Variants in HLTF observed in about 807,000 individuals in gnomAD.
HLTF encodes the protein helicase like transcription factor.
Under a neutral mutation model 129.4 loss-of-function variants are expected in HLTF, and 127 were observed. The ratio of observed to expected loss-of-function variants is 0.98; its 90% CI spans 0.85 to 1.14. The LOEUF (loss-of-function observed/expected upper bound fraction) is 1.14, where lower values mean the gene tolerates loss of function less well. HLTF is among the 50% of genes most tolerant of loss of function. HLTF has a pLI of 0.00. For synonymous variants in HLTF, 332 were observed against 388.8 expected, an observed-to-expected ratio of 0.85 and a Z score of 1.72; for missense variants, 1,139 against 1,187.1, an observed-to-expected ratio of 0.96 and a Z score of 0.60.
chr3:149,082,201 G>A (rs1393165047), intron 2 of HLTF, among the ~76,000 whole-genome samples: 1 of 152,232 alleles, frequency 6.6e-6, no homozygotes, highest in Non-Finnish European at 1.5e-5. Context: ...GCTCACACCT[G>A]TAATCCCAGC....
At position 149,073,264 on chromosome 3, in the gene HLTF, ACTATAGC is replaced by A. The variant is rs1311507253; in HGVS notation, c.581_587del (p.Ser194IlefsTer10). 1 of 1,612,114 alleles carries A rather than the reference ACTATAGC, an allele frequency of 6.2e-7. No individual in the cohort carries two copies. Among genetic ancestry groups the A allele is most frequent in the Non-Finnish European group, 8.5e-7 (1 of 1,178,510 alleles). ...TCTGTACTGCAGCATGCACTGGCAT[ACTATAGC>A]TTGGTCCAGCTCTTCCAGAGCCCCA... On this transcript the variant is annotated frameshift_variant, in exon 5 of 25. Transcript: ENST00000310053. LOFTEE classifies it high-confidence loss of function.
At chr3:149,041,017 A>G (rs992621891) in intron 20 of HLTF, among the ~76,000 whole-genome samples, 1 of 152,172 alleles carries the variant, frequency 6.6e-6, no homozygotes, top group Non-Finnish European at 1.5e-5. Flanking sequence ...CAATAATCAC[A>G]TGGGGCAATT....
intron 5 of HLTF, among the ~76,000 whole-genome samples, chr3:149,072,741 G>T (rs1410414816): frequency 6.6e-6 from 1 of 151,998 alleles, no homozygotes; most frequent in Non-Finnish European, 1.5e-5. Context: ...CATCAAAAAA[G>T]TTTTAATGTT....
intron 2 of HLTF, among the ~76,000 whole-genome samples, chr3:149,078,319 G>A (rs1229191300): frequency 6.6e-6 from 1 of 152,132 alleles, no homozygotes; most frequent in East Asian, 1.9e-4. Context: ...GCTGAAGTGT[G>A]AGGATCTCTT....
intron 8 of HLTF, among the ~76,000 whole-genome samples, chr3:149,067,887 T>C (rs35150289): frequency 0.027 from 4,037 of 152,254 alleles, 68 homozygotes; most frequent in South Asian, 0.052. Context: ...CTCACACCTA[T>C]AGCCCCAGCA....
intron 18 of HLTF, among the ~76,000 whole-genome samples, chr3:149,044,365 T>C (rs370658214): frequency 7.2e-5 from 11 of 152,296 alleles, no homozygotes; most frequent in African/African-American, 2.6e-4. Context: ...CTAACACTAA[T>C]TATTCCCTGG....
intron 8 of HLTF, among the ~76,000 whole-genome samples, chr3:149,067,427 C>A (rs1718479178): frequency 6.6e-6 from 1 of 152,090 alleles, no homozygotes; most frequent in Admixed American, 6.5e-5. Flanking sequence ...TTAATGGTTA[C>A]ATAATAGTAA....
intron 13 of HLTF, among the ~76,000 whole-genome samples, chr3:149,056,893 A>C (rs1717485316): frequency 6.6e-6 from 1 of 151,672 alleles, no homozygotes; most frequent in East Asian, 1.9e-4. Flanking sequence ...GCGGATCACG[A>C]GGTCAGGAGC....
At chr3:149,039,781 A>C in intron 21 of HLTF, 88 bp from the exon 22 acceptor site, 1 of 747,310 alleles carries the variant, frequency 1.3e-6, no homozygotes, top group Non-Finnish European at 2.1e-6. Context: ...AAAGGTCCTG[A>C]AATGTTATTT....
intron 24 of HLTF, among the ~76,000 whole-genome samples, chr3:149,032,920 G>A (rs1414497923): frequency 7.2e-6 from 1 of 139,842 alleles, no homozygotes; most frequent in African/African-American, 2.8e-5. Flanking sequence ...CCGACATTGC[G>A]CCACTGCACT....
At chr3:149,066,353 A>C (rs563938397) in intron 8 of HLTF, among the ~76,000 whole-genome samples, 14 of 152,260 alleles carry the variant, frequency 9.2e-5, no homozygotes, top group Middle Eastern at 3.4e-3. Context: ...GCTTTGCATT[A>C]TTCTTTATAT....
At chr3:149,068,981 A>G (rs772815) in intron 7 of HLTF, among the ~76,000 whole-genome samples, 125,097 of 151,982 alleles carry the variant, frequency 0.82, 52,168 homozygotes, top group African/African-American at 0.96. Flanking sequence ...ACGAAAATGC[A>G]AAGTCAAAAC....
chr3:149,034,791 G>A (rs1219414326), intron 24 of HLTF, 127 bp downstream of exon 24: 3 of 648,386 alleles, frequency 4.6e-6, no homozygotes, highest in Admixed American at 2.6e-5. Context: ...TGATGAAGGA[G>A]GAAAAAGGTG....
At chr3:149,082,413 C>A (rs762786306) in intron 2 of HLTF, among the ~76,000 whole-genome samples, 54 of 152,178 alleles carry the variant, frequency 3.5e-4, no homozygotes, top group Non-Finnish European at 6.0e-4. Context: ...GAGCCGAGAT[C>A]CCGCCACTGC....
chr3:149,072,561 T>A (rs539142409), intron 5 of HLTF, among the ~76,000 whole-genome samples: 1 of 152,250 alleles, frequency 6.6e-6, no homozygotes, highest in Admixed American at 6.5e-5. Context: ...TTTTTGAAAA[T>A]TAACACATGA....
At position 149,040,030 on chromosome 3, in the gene HLTF, C is replaced by T; in HGVS notation, c.2502+1G>A. 3 of 1,608,704 alleles carry T rather than the reference C, an allele frequency of 1.9e-6. No individual in the cohort carries two copies. The highest frequency in any genetic ancestry group is 2.2e-5 in the East Asian group (1 of 44,734). ...CAAATATTTGCACATGAGTACTTTA[C>T]CTTTGAACTGGATGTCCATTCCATA... On this transcript the variant is annotated splice_donor_variant, in intron 21 of 24. Transcript: ENST00000310053. LOFTEE classifies it high-confidence loss of function.
At chr3:149,086,182 C>T (rs1720396482) in intron 1 of HLTF, 135 bp downstream of exon 1, 24 of 942,368 alleles carry the variant, frequency 2.5e-5, no homozygotes, top group Non-Finnish European at 3.9e-5. Flanking sequence ...CCGGCGGCCA[C>T]ATATGCGACC....
chr3:149,043,842 G>A (rs926020115), intron 18 of HLTF, among the ~76,000 whole-genome samples: 5 of 152,094 alleles, frequency 3.3e-5, no homozygotes, highest in Non-Finnish European at 7.4e-5. Flanking sequence ...TCTAACAGTG[G>A]CATTGTAAAA....
Position 149,075,998 on chromosome 3 carries a change from TA to T in HLTF, c.277del (p.Tyr93MetfsTer8). 6.5e-7 allele frequency: 1 copy of T among 1,543,462 alleles called. No homozygotes were observed. Reference sequence around the variant, plus strand: ...GTTTACTTTAATTGCATTCTTATCATAAGGGTTATTAGGATCTCGTTGTAAT... The same window carrying T: ...GTTTACTTTAATTGCATTCTTATCATAGGGTTATTAGGATCTCGTTGTAAT... ...VALQRDPNNP[Y>X]DKNAIKVNNV... On this transcript the variant is annotated frameshift_variant, in exon 3 of 25. Coordinates refer to ENST00000310053, the MANE Select transcript of HLTF (RefSeq NM_003071.4). LOFTEE classifies it high-confidence loss of function.
Sources: allele counts gnomAD v4.1 joint callset (sites outside exome capture counted in the v4.1 genomes callset), GRCh38; gene constraint gnomAD v4.1.1; transcripts MANE v1.5; gene names NCBI Gene and HGNC (gene_info 2026-07-23, HGNC 2026-07-21).